RANBP2: variants seen among roughly 807,000 people sequenced by gnomAD.
RANBP2 encodes E3 SUMO-protein ligase RanBP2.
Under a neutral mutation model 303.6 loss-of-function variants are expected in RANBP2, and 57 were observed. That is an observed-to-expected ratio of 0.19 (90% CI 0.15 to 0.23). RANBP2 has a LOEUF of 0.23. Among genes scored for constraint, RANBP2 ranks in the 10% least tolerant of loss-of-function variants. The probability of loss-of-function intolerance (pLI) is 1.00; values close to 1 mark genes in which losing one functional copy is unlikely to be tolerated. For synonymous variants in RANBP2, 1,167 were observed against 1,301.5 expected, an observed-to-expected ratio of 0.90 and a Z score of 2.23; for missense variants, 3,138 against 3,780.8, an observed-to-expected ratio of 0.83 and a Z score of 4.46.
the RANBP2 span, among the ~76,000 whole-genome samples, chr2:109,300,627 G>A: frequency 3.3e-5 from 5 of 152,166 alleles, no homozygotes; most frequent in African/African-American, 1.2e-4. Flanking sequence ...CTTCCTGGTG[G>A]TAAGAAACCA....
chr2:109,531,675 T>C, the RANBP2 span, among the ~76,000 whole-genome samples: 131,000 of 152,260 alleles, frequency 0.86, 56,910 homozygotes, highest in East Asian at 0.95. Flanking sequence ...CAAGTTAAAT[T>C]ATTGCCAGCC....
chr2:109,644,556 A>T, the RANBP2 span, among the ~76,000 whole-genome samples: 27 of 152,190 alleles, frequency 1.8e-4, no homozygotes, highest in Admixed American at 1.2e-3. Flanking sequence ...TTGCTTAAAA[A>T]CTGTCTGCAA....
At chr2:108,889,454 AAT>A in the RANBP2 span, among the ~76,000 whole-genome samples, 2 of 152,202 alleles carry the variant, frequency 1.3e-5, no homozygotes, top group Admixed American at 1.3e-4. Context: ...TTGCTTTATT[AAT>A]ATGAGTGCTC....
chr2:108,773,571 CAAAA>C (rs1373100948), intron 23 of RANBP2, among the ~76,000 whole-genome samples: 2 of 151,256 alleles, frequency 1.3e-5, no homozygotes, highest in African/African-American at 4.9e-5. Flanking sequence ...TTGGAAAACT[CAAAA>C]TAACTAGAAT....
At chr2:109,105,571 T>G in the RANBP2 span, among the ~76,000 whole-genome samples, 1 of 152,236 alleles carries the variant, frequency 6.6e-6, no homozygotes, top group Non-Finnish European at 1.5e-5. Context: ...CCTTTTCTTT[T>G]TAAGATGAAG....
chr2:108,961,563 G>C, the RANBP2 span, among the ~76,000 whole-genome samples: 5 of 152,182 alleles, frequency 3.3e-5, no homozygotes, highest in South Asian at 4.1e-4. Flanking sequence ...CTGCTCTTTT[G>C]GTTATGGACG....
chr2:108,868,342 T>G, the RANBP2 span, among the ~76,000 whole-genome samples: 1 of 152,228 alleles, frequency 6.6e-6, no homozygotes, highest in African/African-American at 2.4e-5. Context: ...TGTCTTCAGG[T>G]AATCTTTCTC....
the RANBP2 span, chr2:109,501,769 G>C: frequency 1.5e-5 from 10 of 649,600 alleles, no homozygotes; most frequent in Non-Finnish European, 2.8e-5. Flanking sequence ...AGGGTTCCAG[G>C]TCATCTCCAA....
At chr2:109,065,169 G>A in the RANBP2 span, among the ~76,000 whole-genome samples, 1 of 152,138 alleles carries the variant, frequency 6.6e-6, no homozygotes, top group Non-Finnish European at 1.5e-5. Flanking sequence ...ACATTAGGAG[G>A]CACTCTAGTT....
At chr2:108,989,513 C>T in the RANBP2 span, 1 of 152,074 alleles carries the variant, frequency 6.6e-6, no homozygotes, top group East Asian at 1.9e-4. Flanking sequence ...AAAGCTTGTT[C>T]GTAGAAGGAC....
the RANBP2 span, among the ~76,000 whole-genome samples, chr2:109,030,986 T>C: frequency 6.6e-6 from 1 of 152,184 alleles, no homozygotes; most frequent in Non-Finnish European, 1.5e-5. Flanking sequence ...ACAGTGTGCA[T>C]GTATACCACC....
At chr2:109,231,789 C>G in the RANBP2 span, among the ~76,000 whole-genome samples, 1 of 152,180 alleles carries the variant, frequency 6.6e-6, no homozygotes, top group South Asian at 2.1e-4. Flanking sequence ...ATTCCTTGTT[C>G]TCCTCTTATT....
the RANBP2 span, among the ~76,000 whole-genome samples, chr2:108,926,638 C>G: frequency 5.3e-5 from 8 of 152,352 alleles, no homozygotes; most frequent in East Asian, 1.9e-4. Context: ...CTCTCTCCCC[C>G]TTTCCTCCTG....
At chr2:109,452,904 GGGAGGCTGGTGCCA>G in the RANBP2 span, among the ~76,000 whole-genome samples, 11 of 147,116 alleles carry the variant, frequency 7.5e-5, no homozygotes, top group East Asian at 6.1e-4. Context: ...GGCTGGTCCC[GGGAGGCTGGTGCCA>G]GGAGGCTGGT....
chr2:109,541,834 T>C, the RANBP2 span, among the ~76,000 whole-genome samples: 1 of 152,212 alleles, frequency 6.6e-6, no homozygotes, highest in Non-Finnish European at 1.5e-5. Flanking sequence ...ACCTACTTGG[T>C]TGTCCAGCCT....
the RANBP2 span, among the ~76,000 whole-genome samples, chr2:109,459,654 G>T: frequency 3.0e-4 from 46 of 152,234 alleles, no homozygotes; most frequent in East Asian, 8.1e-3. Flanking sequence ...AGTAGTTCCC[G>T]TTCCTGCCTT....
At chr2:109,030,156 C>T in the RANBP2 span, among the ~76,000 whole-genome samples, 36 of 152,288 alleles carry the variant, frequency 2.4e-4, no homozygotes, top group African/African-American at 7.5e-4. Context: ...AACCTGGATT[C>T]GAGAGCTCAT....
chr2:109,370,515 A>G, the RANBP2 span, among the ~76,000 whole-genome samples: 5 of 152,142 alleles, frequency 3.3e-5, no homozygotes, highest in African/African-American at 1.2e-4. Flanking sequence ...CTGTGATTAC[A>G]GGCATGAGCC....
At chr2:109,195,004 A>G in the RANBP2 span, among the ~76,000 whole-genome samples, 2 of 152,170 alleles carry the variant, frequency 1.3e-5, no homozygotes, top group Non-Finnish European at 2.9e-5. Flanking sequence ...GAGAACACAC[A>G]GCTTTTTAGA....
Sources: gnomAD v4.1 joint callset for allele counts (sites outside exome capture counted in the v4.1 genomes callset) on GRCh38, gnomAD v4.1.1 for gene constraint, MANE v1.5 for transcripts, NCBI Gene and HGNC (gene_info 2026-07-23, HGNC 2026-07-21) for gene names.